The following ZC3H4 variants were observed in gnomAD, a reference collection of about 807,000 sequenced individuals.
ZC3H4 encodes zinc finger CCCH-type containing 4.
Under a neutral mutation model 108.3 loss-of-function variants are expected in ZC3H4, and 13 were observed. That is an observed-to-expected ratio of 0.12 (90% CI 0.08 to 0.19). ZC3H4 has a LOEUF of 0.19. ZC3H4 is among the 10% of genes least tolerant of loss of function. The probability of loss-of-function intolerance (pLI) is 1.00; values close to 1 mark genes in which losing one functional copy is unlikely to be tolerated. For missense variants in ZC3H4, 1,734 were observed against 1,838.8 expected (o/e 0.94, Z 1.04); for synonymous variants, 917 against 749.6 (o/e 1.22, Z -3.65).
At chr19:47,075,914 C>A (rs1287952667) in intron 11 of ZC3H4, among the ~76,000 whole-genome samples, 1 of 152,160 alleles carries the variant, frequency 6.6e-6, no homozygotes, top group Non-Finnish European at 1.5e-5. Context: ...GCACCTCTGT[C>A]CCTGGCCCCT....
Position 47,066,765 on chromosome 19 carries a change from C to T in ZC3H4, c.3503G>A (p.Gly1168Asp), listed in dbSNP as rs2122641472. 5.6e-6 allele frequency: 9 copies of T among 1,603,306 alleles called. No individual in the cohort carries two copies. Among genetic ancestry groups the T allele is most frequent in the Non-Finnish European group, 6.8e-6 (8 of 1,178,250 alleles). ...GCCCTCAGCACCCTTGGGCTGGGCA[C>T]CCGTGTCAGCAGCCGGCTCTGTGGC... ...GKATEPAADT[G>D]AQPKGAEGNG... is the part of the protein sequence containing the mutation. The change falls in exon 15 of 15, where the codon GGT (glycine) becomes GAT (aspartate). Residue 1168 changes from glycine to aspartate, a missense_variant. This residue lies in a region of ZC3H4 where 518 missense variants were observed against 499.6 expected (regional missense o/e 1.04). Transcript: ENST00000253048.
intron 2 of ZC3H4, among the ~76,000 whole-genome samples, chr19:47,111,432 T>C (rs2058037853): frequency 6.6e-6 from 1 of 152,076 alleles, no homozygotes; most frequent in Non-Finnish European, 1.5e-5. Context: ...GAAATCTCCT[T>C]TTCTCTCCCG....
chr19:47,103,496 G>A (rs2057929079), intron 2 of ZC3H4, among the ~76,000 whole-genome samples: 1 of 152,040 alleles, frequency 6.6e-6, no homozygotes, highest in Admixed American at 6.6e-5. Flanking sequence ...TAGAGACAGG[G>A]TTTCAGGCCG....
At chr19:47,087,132 C>T in intron 5 of ZC3H4, among the ~76,000 whole-genome samples, 1 of 151,722 alleles carries the variant, frequency 6.6e-6, no homozygotes, top group East Asian at 1.9e-4. Context: ...AAAAATTAGC[C>T]AGGTGTGGTG....
chr19:47,108,237 G>T (rs868524831), intron 2 of ZC3H4, among the ~76,000 whole-genome samples: 2 of 152,158 alleles, frequency 1.3e-5, no homozygotes, highest in South Asian at 4.2e-4. Flanking sequence ...CTCAACTCTC[G>T]GTGTGAATCG....
At chr19:47,110,856 T>C in intron 2 of ZC3H4, 4 of 957,340 alleles carry the variant, frequency 4.2e-6, no homozygotes, top group Non-Finnish European at 5.0e-6. Flanking sequence ...TACATTTAAT[T>C]AGAACAAAAC....
rs1248814385 is a variant in ZC3H4, at chr19:47,069,136, C to T, written c.2354G>A (p.Arg785Lys). ...CTGCTTGCTGCTCTCAGCCAGCCTCCTCGCTCTCTCCTCCTCCTCCTGCTG... is the reference window on the plus strand; with the variant it reads ...CTGCTTGCTGCTCTCAGCCAGCCTCTTCGCTCTCTCCTCCTCCTCCTGCTG... Reference protein sequence around the residue: ...QKQQEEEERARRLAESSKQDR... With the variant: ...QKQQEEEERAKRLAESSKQDR... Residue 785 changes from arginine to lysine, a missense_variant, in exon 14 of 15, where the codon AGG (arginine) becomes AAG (lysine). Arg to Lys is a conservative substitution (Grantham distance 26). Transcript: ENST00000253048. 3.1e-6 allele frequency: 5 copies of T among 1,606,016 alleles called. No homozygotes were observed. Among genetic ancestry groups the T allele is most frequent in the Non-Finnish European group, 4.2e-6 (5 of 1,179,936 alleles).
intron 5 of ZC3H4, among the ~76,000 whole-genome samples, chr19:47,089,508 C>T (rs117261051): frequency 6.6e-6 from 1 of 152,270 alleles, no homozygotes; most frequent in Non-Finnish European, 1.5e-5. Flanking sequence ...TCAGGGCTAC[C>T]GTGTCTCTGG....
intron 2 of ZC3H4, among the ~76,000 whole-genome samples, chr19:47,103,952 T>A (rs901857338): frequency 6.6e-6 from 1 of 150,494 alleles, no homozygotes; most frequent in African/African-American, 2.4e-5. Flanking sequence ...TTAAAAAATA[T>A]GTAAAAATAA....
chr19:47,067,105 C>T lies in ZC3H4; in HGVS notation c.3163G>A (p.Ala1055Thr). 6.2e-7 allele frequency: 1 copy of T among 1,611,720 alleles called. No homozygotes were observed. The highest frequency in any genetic ancestry group is 1.1e-5 in the South Asian group (1 of 90,830). The change falls in exon 15 of 15, where the codon GCC becomes ACC. Residue 1055 changes from alanine to threonine, a missense_variant. Ala to Thr is a moderately conservative substitution (Grantham distance 58). This residue lies in a region of ZC3H4 where 518 missense variants were observed against 499.6 expected (regional missense o/e 1.04). Transcript: ENST00000253048. This position sits in a 1 kb window ranked among gnomAD's most constrained non-coding sequence, Gnocchi z 6.4. ...CCGGGGGCGGCCGAGGAGCCGGTGG[C>T]ATTGACTGTCTTGAGGATGCGAGAC... ...LLSRILKTVN[A>T]TGSSAAPGSS...
intron 4 of ZC3H4, 160 bp downstream of exon 4, chr19:47,093,792 CTTGTTGAAATTGTCTAAG>C: frequency 2.0e-6 from 1 of 510,290 alleles, no homozygotes; most frequent in Non-Finnish European, 3.4e-6. Flanking sequence ...TCTGGGCTGC[CTTGTTGAAATTGTCTAAG>C]TTTCAGTTTC....
chr19:47,090,309 G>T (rs2057709587), intron 4 of ZC3H4, 120 bp from the exon 5 acceptor site: 2 of 1,106,472 alleles, frequency 1.8e-6, no homozygotes, highest in Non-Finnish European at 2.6e-6. Flanking sequence ...ACTGTCCCAG[G>T]GTTGCACTGC....
chr19:47,071,337 A>G (rs376089827), intron 13 of ZC3H4, among the ~76,000 whole-genome samples: 134 of 152,234 alleles, frequency 8.8e-4, no homozygotes, highest in Non-Finnish European at 1.5e-3. Context: ...ACCAATGCAA[A>G]AGGAAAAAAA....
chr19:47,097,581 C>T (rs1184192107), intron 2 of ZC3H4, among the ~76,000 whole-genome samples: 1 of 152,174 alleles, frequency 6.6e-6, no homozygotes, highest in East Asian at 1.9e-4. Context: ...GGAAGTCGAG[C>T]CAAATGGGAA....
At chr19:47,091,185 T>C (rs1431226939) in intron 4 of ZC3H4, among the ~76,000 whole-genome samples, 4 of 152,066 alleles carry the variant, frequency 2.6e-5, no homozygotes, top group South Asian at 2.1e-4. Flanking sequence ...GGCAGGAGAA[T>C]TGCTTGAACC....
At chr19:47,095,400 C>T (rs569165292) in intron 2 of ZC3H4, among the ~76,000 whole-genome samples, 1 of 152,328 alleles carries the variant, frequency 6.6e-6, no homozygotes, top group East Asian at 1.9e-4. Flanking sequence ...GGCAAGCAAA[C>T]ACTGAGCAGC....
In ZC3H4 at chr19:47,097,055, T is replaced by C. The variant is rs185871777; in HGVS notation, c.162-2447A>G. ...CCTGCGGGCAGAGGACAAAAGACCA[T>C]TCAAGGAACTCCAAGAGCCTTAACC... On this transcript the variant is annotated intron_variant, in intron 2 of 14. Transcript: ENST00000253048. 3.0e-4 allele frequency: 277 copies of C among 921,648 alleles called. 1 individual carries two copies. The African/African-American group carries it at 3.7e-3, about 12-fold the overall frequency. 57.1% of individuals were successfully genotyped at this position (921,648 alleles called of 1,614,324 possible).
In ZC3H4 at chr19:47,086,535, C is replaced by G. The variant is rs1449577988; in HGVS notation, c.719G>C (p.Ser240Thr). 6.3e-7 allele frequency: 1 copy of G among 1,586,380 alleles called. No homozygotes were observed. The highest frequency in any genetic ancestry group is 1.1e-5 in the South Asian group (1 of 89,212). The change falls in exon 6 of 15, where the codon AGC becomes ACC. Residue 240 changes from serine to threonine, a missense_variant. Transcript: ENST00000253048. ...AKEGSSRGRG[S>T]RGRGRGYRGR... ...CCTGTAGCCCCGGCCCCGGCCTCGG[C>G]TGCCTGCATGGAGATTCAGATAGTG...
intron 5 of ZC3H4, among the ~76,000 whole-genome samples, chr19:47,088,817 A>T (rs564093752): frequency 6.6e-6 from 1 of 152,252 alleles, no homozygotes; most frequent in African/African-American, 2.4e-5. Context: ...TATAAACGAC[A>T]TGGTGGCTTC....
Sources: allele counts gnomAD v4.1 joint callset (sites outside exome capture counted in the v4.1 genomes callset), GRCh38; gene constraint gnomAD v4.1.1; regional missense constraint gnomAD v4.1.1; non-coding constraint Gnocchi (gnomAD v3.1); transcripts MANE v1.5; gene names NCBI Gene and HGNC (gene_info 2026-07-23, HGNC 2026-07-21).